The following PDE10A variants were observed in gnomAD, a reference collection of about 807,000 sequenced individuals.
PDE10A encodes the protein phosphodiesterase 10A, also known as cAMP and cAMP-inhibited cGMP 3',5'-cyclic phosphodiesterase 10A.
Under a neutral mutation model 97.7 loss-of-function variants are expected in PDE10A, and 39 were observed. The ratio of observed to expected loss-of-function variants is 0.40; its 90% CI spans 0.31 to 0.52. The LOEUF (loss-of-function observed/expected upper bound fraction) is 0.52, where lower values mean the gene tolerates loss of function less well. Ranked by LOEUF, PDE10A falls within the 20% of genes least tolerant of loss-of-function variation. PDE10A has a pLI of 0.56. For synonymous variants in PDE10A, 371 were observed against 376.8 expected (o/e 0.98, Z 0.18); for missense variants, 731 against 1,047.8 (o/e 0.70, Z 4.17).
chr6:165,584,434 G>C (rs748951353), intron 1 of PDE10A, among the ~76,000 whole-genome samples: 1 of 152,028 alleles, frequency 6.6e-6, no homozygotes, highest in Admixed American at 6.6e-5. Flanking sequence ...CCATAAAGAC[G>C]CAGGAGCCTT....
chr6:165,506,421 A>C (rs917196965), intron 2 of PDE10A, among the ~76,000 whole-genome samples: 1 of 152,142 alleles, frequency 6.6e-6, no homozygotes, highest in Non-Finnish European at 1.5e-5. Context: ...TATTCTCCTA[A>C]AAGAAAAATG....
intron 1 of PDE10A, among the ~76,000 whole-genome samples, chr6:165,729,927 A>G (rs1733070073): frequency 6.6e-6 from 1 of 152,254 alleles, no homozygotes; most frequent in Non-Finnish European, 1.5e-5. Context: ...CAGCCAAGCT[A>G]TCTTTTGACT....
chr6:165,749,407 CCATCACCAT>C (rs1416672232), intron 1 of PDE10A, among the ~76,000 whole-genome samples: 2 of 103,456 alleles, frequency 1.9e-5, no homozygotes, highest in Non-Finnish European at 4.1e-5. Flanking sequence ...ACCATCAACA[CCATCACCAT>C]CATCACCATC....
At position 165,396,352 on chromosome 6, in the gene PDE10A, G is replaced by A. The variant is rs1786160081; in HGVS notation, c.2184C>T (p.Phe728=). The change falls in exon 14 of 22, where the codon TTC becomes TTT. Residue 728 remains phenylalanine (F), a synonymous_variant. Coordinates refer to ENST00000539869, the MANE Select transcript of PDE10A (RefSeq NM_001385079.1). ...TSEEWQGLMQ[F]TLPVRLCKEI... is the part of the protein sequence containing the mutation. ...CTTTGCAGAGACGCACGGGAAGGGT[G>A]AATTGCATGAGACCTTGCCACTCTT... 6.2e-7 allele frequency: 1 copy of A among 1,613,240 alleles called. No individual in the cohort carries two copies. Among genetic ancestry groups the A allele is most frequent in the Non-Finnish European group, 8.5e-7 (1 of 1,179,566 alleles).
At chr6:165,678,319 A>C (rs1198183953) in intron 1 of PDE10A, among the ~76,000 whole-genome samples, 2 of 75,850 alleles carry the variant, frequency 2.6e-5, no homozygotes, top group Non-Finnish European at 5.5e-5. Flanking sequence ...ATGTGTGTGC[A>C]TATCTTTCCT....
At chr6:165,672,343 CA>C (rs1164114175) in intron 1 of PDE10A, among the ~76,000 whole-genome samples, 2 of 152,206 alleles carry the variant, frequency 1.3e-5, no homozygotes, top group Non-Finnish European at 2.9e-5. Flanking sequence ...CCTAACTTAA[CA>C]AACATCAGGG....
intron 17 of PDE10A, among the ~76,000 whole-genome samples, chr6:165,386,995 G>A (rs532883994): frequency 3.2e-4 from 49 of 152,092 alleles, no homozygotes; most frequent in African/African-American, 1.0e-3. Context: ...CAGCCTGGGC[G>A]ACACAGCGAG....
chr6:165,742,393 C>A (rs937240716), intron 1 of PDE10A, among the ~76,000 whole-genome samples: 5 of 152,106 alleles, frequency 3.3e-5, no homozygotes, highest in Admixed American at 3.3e-4. Flanking sequence ...CTGCTATGTA[C>A]CCCATTTCAT....
intron 1 of PDE10A, among the ~76,000 whole-genome samples, chr6:165,615,826 G>A (rs541375947): frequency 1.3e-5 from 2 of 152,230 alleles, no homozygotes; most frequent in East Asian, 3.9e-4. Context: ...CCTGCCTGTG[G>A]TCACTTTCAT....
chr6:165,629,503 T>G (rs1005473031), intron 1 of PDE10A, among the ~76,000 whole-genome samples: 1 of 150,654 alleles, frequency 6.6e-6, no homozygotes, highest in Admixed American at 6.6e-5. Flanking sequence ...AAGTAGAGAA[T>G]GAAGGAATAT....
chr6:165,471,557 C>G (rs1474668865), intron 3 of PDE10A, among the ~76,000 whole-genome samples: 2 of 152,100 alleles, frequency 1.3e-5, no homozygotes, highest in African/African-American at 4.8e-5. Context: ...GGAACCACCC[C>G]CTGAACACAC....
At chr6:165,469,281 A>T (rs1486915999) in intron 3 of PDE10A, among the ~76,000 whole-genome samples, 1 of 152,156 alleles carries the variant, frequency 6.6e-6, no homozygotes, top group Non-Finnish European at 1.5e-5. Context: ...AGCATTTCCT[A>T]GTATTTAAGG....
At chr6:165,505,637 G>A (rs931237358) in intron 2 of PDE10A, among the ~76,000 whole-genome samples, 6 of 152,110 alleles carry the variant, frequency 3.9e-5, no homozygotes, top group Non-Finnish European at 7.4e-5. Flanking sequence ...ATTAAAACTC[G>A]GTACATTGAA....
At chr6:165,593,111 A>G (rs1189090562) in intron 1 of PDE10A, among the ~76,000 whole-genome samples, 1 of 152,212 alleles carries the variant, frequency 6.6e-6, no homozygotes, top group Admixed American at 6.5e-5. Flanking sequence ...ACGGAATACT[A>G]TGCAGCCATA....
intron 1 of PDE10A, among the ~76,000 whole-genome samples, chr6:165,841,659 T>C (rs1780265142): frequency 6.6e-6 from 1 of 152,224 alleles, no homozygotes; most frequent in Admixed American, 6.5e-5. Context: ...CTTGCTAGTG[T>C]CATCCTGGCT....
intron 1 of PDE10A, among the ~76,000 whole-genome samples, chr6:165,968,134 C>G (rs904655662): frequency 2.0e-5 from 3 of 152,178 alleles, no homozygotes; most frequent in Non-Finnish European, 2.9e-5. Flanking sequence ...AGTGCCCCTC[C>G]TCCATCAGGG....
intron 2 of PDE10A, among the ~76,000 whole-genome samples, chr6:165,516,823 G>A (rs979353973): frequency 2.6e-5 from 4 of 151,876 alleles, no homozygotes; most frequent in South Asian, 2.1e-4. Flanking sequence ...TCTTACAAAC[G>A]GCAACAGGGC....
At chr6:165,411,512 C>T (rs1284142307) in intron 13 of PDE10A, among the ~76,000 whole-genome samples, 1 of 152,170 alleles carries the variant, frequency 6.6e-6, no homozygotes, top group African/African-American at 2.4e-5. Context: ...AGGAGAAACA[C>T]ACCTTGATCT....
At chr6:165,758,652 G>A (rs1027369) in intron 1 of PDE10A, among the ~76,000 whole-genome samples, 11,212 of 150,544 alleles carry the variant, frequency 0.074, 611 homozygotes, top group Non-Finnish European at 0.11. Flanking sequence ...GAAGGAAGAG[G>A]AGGAGGAGGA....
Sources: allele counts gnomAD v4.1 joint callset (sites outside exome capture counted in the v4.1 genomes callset), GRCh38; gene constraint gnomAD v4.1.1; transcripts MANE v1.5; gene names NCBI Gene and HGNC (gene_info 2026-07-23, HGNC 2026-07-21).